The following PPP3CC variants were observed in gnomAD, a reference collection of about 807,000 sequenced individuals.
The protein encoded by PPP3CC is serine/threonine-protein phosphatase 2B catalytic subunit gamma isoform.
In PPP3CC, 35 loss-of-function variants were observed where a neutral mutation model predicts 60.3. The ratio of observed to expected loss-of-function variants is 0.58; its 90% CI spans 0.44 to 0.77. The LOEUF (loss-of-function observed/expected upper bound fraction) is 0.77. Among genes scored for constraint, PPP3CC ranks in the 30% least tolerant of loss-of-function variants. The pLI, the probability that PPP3CC is intolerant of heterozygous loss-of-function variation, is 0.00. For missense variants in PPP3CC, 570 were observed against 628.9 expected, an observed-to-expected ratio of 0.91 and a Z score of 1.00; for synonymous variants, 206 against 224.3, an observed-to-expected ratio of 0.92 and a Z score of 0.73.
intron 1 of PPP3CC, among the ~76,000 whole-genome samples, chr8:22,452,503 T>G (rs1586785701): frequency 6.6e-6 from 1 of 152,178 alleles, no homozygotes; most frequent in Non-Finnish European, 1.5e-5. Context: ...CTGTTTGTTT[T>G]TTTTTTCAAG....
At chr8:22,509,667 C>T (rs1839025360) in intron 4 of PPP3CC, among the ~76,000 whole-genome samples, 1 of 152,208 alleles carries the variant, frequency 6.6e-6, no homozygotes, top group Admixed American at 6.5e-5. Flanking sequence ...CCCAAGTTGA[C>T]AGCCACATCA....
At chr8:22,531,301 G>C (rs1839709988) in intron 10 of PPP3CC, 2 of 1,531,180 alleles carry the variant, frequency 1.3e-6, no homozygotes, top group Non-Finnish European at 8.7e-7. Context: ...TCTCCCTGAA[G>C]ATCACTACAT....
intron 6 of PPP3CC, among the ~76,000 whole-genome samples, chr8:22,516,446 A>G (rs530969819): frequency 6.6e-6 from 1 of 152,342 alleles, no homozygotes; most frequent in Admixed American, 6.5e-5. Flanking sequence ...CAGAAATTCT[A>G]CTTCTAAAAC....
chr8:22,526,264 G>A (rs969927349), intron 8 of PPP3CC, among the ~76,000 whole-genome samples: 2 of 152,088 alleles, frequency 1.3e-5, no homozygotes, highest in African/African-American at 4.8e-5. Flanking sequence ...TGTCCACTGG[G>A]AACACACCCA....
intron 1 of PPP3CC, among the ~76,000 whole-genome samples, chr8:22,457,464 G>A (rs1047907738): frequency 2.0e-5 from 3 of 151,812 alleles, no homozygotes; most frequent in Non-Finnish European, 2.9e-5. Context: ...CACCATGCCC[G>A]ACTAATTTTT....
chr8:22,489,031 T>G (rs558198231), intron 3 of PPP3CC, among the ~76,000 whole-genome samples: 1 of 151,626 alleles, frequency 6.6e-6, no homozygotes, highest in Non-Finnish European at 1.5e-5. Context: ...AGGAAGTTAT[T>G]GGAGGAATTT....
At chr8:22,526,618 C>T (rs570253924) in intron 8 of PPP3CC, among the ~76,000 whole-genome samples, 3 of 152,232 alleles carry the variant, frequency 2.0e-5, no homozygotes, top group East Asian at 1.9e-4. Context: ...AGAACTGTTA[C>T]ACCCTGTTTT....
intron 8 of PPP3CC, 67 bp from the exon 9 acceptor site, chr8:22,527,325 T>C: frequency 6.4e-7 from 1 of 1,560,596 alleles, no homozygotes; most frequent in Admixed American, 1.7e-5. Flanking sequence ...TACACAGCTG[T>C]ACAAAGCATA....
chr8:22,483,104 A>G (rs564125614), intron 3 of PPP3CC, among the ~76,000 whole-genome samples: 3 of 152,342 alleles, frequency 2.0e-5, no homozygotes, highest in African/African-American at 7.2e-5. Context: ...AAAAAGAAAC[A>G]GATTTCAGAA....
At chr8:22,497,634 C>A (rs989320170) in intron 3 of PPP3CC, among the ~76,000 whole-genome samples, 1 of 151,986 alleles carries the variant, frequency 6.6e-6, no homozygotes, top group Non-Finnish European at 1.5e-5. Flanking sequence ...TGGCTGATAC[C>A]CTTACACCAG....
At chr8:22,506,712 C>A (rs554675855) in intron 4 of PPP3CC, among the ~76,000 whole-genome samples, 2 of 149,956 alleles carry the variant, frequency 1.3e-5, no homozygotes, top group African/African-American at 2.5e-5. Context: ...GAGGCCGAGG[C>A]GGGCAGATCA....
intron 3 of PPP3CC, among the ~76,000 whole-genome samples, chr8:22,477,481 A>AG (rs1837927173): frequency 1.6e-5 from 2 of 125,028 alleles, no homozygotes; most frequent in Non-Finnish European, 3.3e-5. Flanking sequence ...CTCAAAAAAA[A>AG]AAAAGAAAGA....
chr8:22,505,436 A>T (rs990916143), intron 4 of PPP3CC, among the ~76,000 whole-genome samples: 13 of 152,162 alleles, frequency 8.5e-5, no homozygotes, highest in Admixed American at 5.2e-4. Flanking sequence ...TGGATTTTTT[A>T]AAAAAATAAA....
At position 22,534,271 on chromosome 8, in the gene PPP3CC, T is replaced by C. The variant is rs973560239; in HGVS notation, c.1321+1253T>C. ...ACTAGAATGGCTAAAAATTAAAAGTTTGGGCCAGGGCATGGTGACTTACAC... is the reference window on the plus strand; with the variant it reads ...ACTAGAATGGCTAAAAATTAAAAGTCTGGGCCAGGGCATGGTGACTTACAC... On this transcript the variant is annotated intron_variant, in intron 12 of 13. Coordinates refer to ENST00000240139, the MANE Select transcript of PPP3CC (RefSeq NM_005605.5). 1.2e-4 allele frequency among the ~76,000 whole-genome samples: 18 copies of C among 151,418 alleles called. 1 individual carries two copies. Among genetic ancestry groups the C allele is most frequent in the South Asian group, 1.0e-3 (5 of 4,782 alleles).
At chr8:22,493,252 T>A (rs903661795) in intron 3 of PPP3CC, among the ~76,000 whole-genome samples, 2 of 152,206 alleles carry the variant, frequency 1.3e-5, no homozygotes, top group African/African-American at 4.8e-5. Context: ...CCCAAGCTCC[T>A]TGGACACTGC....
At chr8:22,454,841 G>A (rs1837145570) in intron 1 of PPP3CC, among the ~76,000 whole-genome samples, 1 of 152,066 alleles carries the variant, frequency 6.6e-6, no homozygotes, top group Non-Finnish European at 1.5e-5. Flanking sequence ...GGCCGAGGCG[G>A]GTGGATCATG....
At chr8:22,501,680 C>G (rs1017919008) in intron 4 of PPP3CC, among the ~76,000 whole-genome samples, 17 of 152,274 alleles carry the variant, frequency 1.1e-4, no homozygotes, top group Non-Finnish European at 1.6e-4. Flanking sequence ...CTTCTGTGAT[C>G]AGCTAGCTGG....
intron 3 of PPP3CC, among the ~76,000 whole-genome samples, chr8:22,480,701 A>G (rs898148712): frequency 1.3e-5 from 2 of 151,540 alleles, no homozygotes; most frequent in East Asian, 3.9e-4. Context: ...CTGGTCTCCA[A>G]CTCCTGATCT....
At chr8:22,488,118 A>G (rs1838278735) in intron 3 of PPP3CC, among the ~76,000 whole-genome samples, 1 of 152,226 alleles carries the variant, frequency 6.6e-6, no homozygotes, top group African/African-American at 2.4e-5. Flanking sequence ...GAAGGCACAA[A>G]TGTATACCCA....
Sources: allele counts gnomAD v4.1 joint callset (sites outside exome capture counted in the v4.1 genomes callset), GRCh38; gene constraint gnomAD v4.1.1; transcripts MANE v1.5; gene names NCBI Gene and HGNC (gene_info 2026-07-23, HGNC 2026-07-21).